The following UROS variants were observed in gnomAD, a reference collection of about 807,000 sequenced individuals.
The protein encoded by UROS is uroporphyrinogen-III synthase.
In UROS, 18 loss-of-function variants were observed where a neutral mutation model predicts 33.0. The observed-to-expected ratio is 0.55, with a 90% confidence interval of 0.38 to 0.81. The LOEUF is 0.81. UROS is among the 30% of genes least tolerant of loss of function. UROS has a pLI of 0.00. For missense variants in UROS, 293 were observed against 314.9 expected (o/e 0.93, Z 0.53); for synonymous variants, 114 against 121.1 (o/e 0.94, Z 0.38).
intron 6 of UROS, chr10:125,802,147 A>G (rs1026976151): frequency 1.0e-6 from 1 of 985,380 alleles, no homozygotes; most frequent in Non-Finnish European, 1.2e-6. Context: ...TAGAAACAAC[A>G]TTAGAAACAA....
At chr10:125,810,342 T>C (rs1241294870) in intron 5 of UROS, among the ~76,000 whole-genome samples, 1 of 152,228 alleles carries the variant, frequency 6.6e-6, no homozygotes, top group African/African-American at 2.4e-5. Flanking sequence ...GGACGCCAGC[T>C]GCCATGTCTT....
At chr10:125,818,538 G>A (rs914494018) in intron 1 of UROS, among the ~76,000 whole-genome samples, 1 of 151,988 alleles carries the variant, frequency 6.6e-6, no homozygotes, top group African/African-American at 2.4e-5. Context: ...AGGTTCTGTT[G>A]TTGATGATTC....
At chr10:125,806,808 T>C (rs967223440) in intron 6 of UROS, among the ~76,000 whole-genome samples, 2 of 152,162 alleles carry the variant, frequency 1.3e-5, no homozygotes, top group African/African-American at 4.8e-5. Context: ...AGATGCACCT[T>C]AGAGGTGGGG....
At chr10:125,796,618 G>C (rs1169195702) in intron 7 of UROS, among the ~76,000 whole-genome samples, 1 of 152,204 alleles carries the variant, frequency 6.6e-6, no homozygotes, top group Non-Finnish European at 1.5e-5. Context: ...CACTCCAGCT[G>C]TGCCTCCACA....
intron 6 of UROS, among the ~76,000 whole-genome samples, chr10:125,800,774 C>T (rs1303803794): frequency 6.6e-6 from 1 of 151,890 alleles, no homozygotes; most frequent in Non-Finnish European, 1.5e-5. Context: ...TTGGCCAGAA[C>T]TCCTGACCTG....
At chr10:125,802,366 T>C in intron 6 of UROS, 1 of 985,816 alleles carries the variant, frequency 1.0e-6, no homozygotes, top group Non-Finnish European at 1.2e-6. Flanking sequence ...CCTGGCTGAA[T>C]AAAAGAGAGT....
At chr10:125,802,220 C>A (rs934652476) in intron 6 of UROS, 7 of 985,446 alleles carry the variant, frequency 7.1e-6, no homozygotes, top group Non-Finnish European at 8.4e-6. Flanking sequence ...AGCGAACCCT[C>A]CACACTGATG....
chr10:125,818,499 A>G (rs936173628), intron 1 of UROS, among the ~76,000 whole-genome samples: 1 of 150,362 alleles, frequency 6.7e-6, no homozygotes, highest in Non-Finnish European at 1.5e-5. Flanking sequence ...TCTAAATAAT[A>G]ATAATAATAA....
chr10:125,789,660 C>T (rs1564769975), intron 9 of UROS: 1 of 155,230 alleles, frequency 6.4e-6, no homozygotes, highest in African/African-American at 2.4e-5. Context: ...CCTATGTTGT[C>T]GTGATACTTC....
intron 4 of UROS, among the ~76,000 whole-genome samples, chr10:125,814,688 G>T (rs959771940): frequency 6.6e-6 from 1 of 152,180 alleles, no homozygotes; most frequent in African/African-American, 2.4e-5. Context: ...GTCACTAAGT[G>T]CCTGACATGG....
At chr10:125,821,816 A>C (rs1590033103) in intron 1 of UROS, among the ~76,000 whole-genome samples, 1 of 152,072 alleles carries the variant, frequency 6.6e-6, no homozygotes, top group African/African-American at 2.4e-5. Context: ...CAGTTGTGCG[A>C]CCCAAAGAGG....
intron 6 of UROS, chr10:125,802,309 G>A (rs867204652): frequency 2.0e-6 from 2 of 985,896 alleles, no homozygotes; most frequent in South Asian, 4.7e-5. Context: ...TCTCTGATCC[G>A]GAAAGCTGGA....
chr10:125,800,251 T>C (rs928530810), intron 6 of UROS, among the ~76,000 whole-genome samples: 1 of 152,224 alleles, frequency 6.6e-6, no homozygotes, highest in African/African-American at 2.4e-5. Context: ...AAAGACCAGA[T>C]TGCTGGTCCC....
intron 9 of UROS, chr10:125,789,413 A>G (rs1850762226): frequency 9.0e-7 from 1 of 1,115,412 alleles, no homozygotes; most frequent in African/African-American, 1.6e-5. Context: ...AATCCCCAAG[A>G]AAGTAGAGCC....
chr10:125,787,267 C>T (rs1283140257), downstream of UROS, among the ~76,000 whole-genome samples: 1 of 152,228 alleles, frequency 6.6e-6, no homozygotes. Flanking sequence ...TGCCCTGCAA[C>T]AGGGTGTTTT....
rs372949889 is a variant in UROS, at chr10:125,816,281, T to A, written c.64-21A>T. On this transcript the variant is annotated intron_variant, in intron 2 of 9. Coordinates refer to ENST00000368797, the MANE Select transcript of UROS (RefSeq NM_000375.3). ...AATTCCTGAAATGAAAGAATATAGT[T>A]CTGGATTGGCTAGGGCTGTTTTTAA... 2.6e-4 allele frequency: 425 copies of A among 1,611,924 alleles called. 8 individuals are homozygous for A. The Middle Eastern group carries it at 3.0e-3, about 11-fold the overall frequency.
chr10:125,794,871 A>G lies in UROS; in HGVS notation c.660+9T>C, dbSNP rs761418835. On this transcript the variant is annotated intron_variant, in intron 9 of 9. Transcript: ENST00000368797. ...CTGAAAAAGACCAAAAGCTCATTGA[A>G]TAACTTACCTTAATTTGATCGATAT... 17 of 1,610,052 alleles carry G rather than the reference A, an allele frequency of 1.1e-5. No individual in the cohort carries two copies. Among genetic ancestry groups the G allele is most frequent in the Admixed American group, 6.7e-5 (4 of 59,996 alleles).
chr10:125,799,730 C>T lies in UROS; in HGVS notation c.395-1585G>A, dbSNP rs147161297. ...GCACACAGGGCCCACAAATGTCCAA[C>T]CAGCTCAGCTGACTTCACTGAAAAG... On this transcript the variant is annotated intron_variant, in intron 6 of 9. Transcript: ENST00000368797. Among the ~76,000 whole-genome samples, 291 of 152,318 alleles carry T rather than the reference C, an allele frequency of 1.9e-3. 2 individuals carry two copies. The highest frequency in any genetic ancestry group is 6.6e-3 in the African/African-American group (274 of 41,566).
intron 6 of UROS, among the ~76,000 whole-genome samples, chr10:125,806,513 G>A (rs989953862): frequency 6.6e-6 from 1 of 152,200 alleles, no homozygotes; most frequent in African/African-American, 2.4e-5. Flanking sequence ...CAAGCCCATT[G>A]TTTGTTTATT....
Sources: gnomAD v4.1 joint callset for allele counts (sites outside exome capture counted in the v4.1 genomes callset) on GRCh38, gnomAD v4.1.1 for gene constraint, MANE v1.5 for transcripts, NCBI Gene and HGNC (gene_info 2026-07-23, HGNC 2026-07-21) for gene names.